Variants in SLC39A11 observed in about 807,000 individuals in gnomAD.
The protein encoded by SLC39A11 is zinc transporter ZIP11.
SLC39A11 carries 33 observed loss-of-function variants against 36.1 expected under a neutral mutation model. The observed-to-expected ratio is 0.91, with a 90% CI of 0.69 to 1.22. The LOEUF (loss-of-function observed/expected upper bound fraction) is 1.22. SLC39A11 is among the 50% of genes most tolerant of loss of function. SLC39A11 has a pLI of 0.00. For missense variants in SLC39A11, 432 were observed against 430.3 expected, an observed-to-expected ratio of 1.00 and a Z score of -0.03; for synonymous variants, 166 against 170.3, an observed-to-expected ratio of 0.97 and a Z score of 0.20.
chr17:72,648,924 C>T lies in SLC39A11; in HGVS notation c.808G>A (p.Gly270Arg), dbSNP rs780186017. The T allele has an allele frequency of 7.4e-6, 12 of 1,613,804 alleles. No individual in the cohort carries two copies. The highest frequency in any genetic ancestry group is 3.3e-5 in the Admixed American group (2 of 59,996). The change falls in exon 9 of 10, where the codon GGG becomes AGG. Residue 270 changes from glycine to arginine, a missense_variant. By Grantham distance (125) the Gly-to-Arg change is moderately radical. Transcript: ENST00000255559. ...QLSGMVEPLA[G>R]VFGAFAVVLA... ...ACCACGGCAAAGGCACCAAAGACCCCGGCCAGGGGCTCCACCATGCCGCTC... is the reference window on the plus strand; with the variant it reads ...ACCACGGCAAAGGCACCAAAGACCCTGGCCAGGGGCTCCACCATGCCGCTC...
At chr17:72,725,813 G>A (rs1158372227) in intron 7 of SLC39A11, among the ~76,000 whole-genome samples, 1 of 152,220 alleles carries the variant, frequency 6.6e-6, no homozygotes, top group Non-Finnish European at 1.5e-5. Context: ...AGGGTAGTGT[G>A]ATAGGTTCAA....
intron 6 of SLC39A11, among the ~76,000 whole-genome samples, chr17:72,785,882 A>G (rs372845432): frequency 6.6e-6 from 1 of 152,238 alleles, no homozygotes; most frequent in East Asian, 1.9e-4. Flanking sequence ...GTATGCAAAA[A>G]TACCTCAGAC....
chr17:72,836,771 C>T (rs2078567289), intron 6 of SLC39A11, among the ~76,000 whole-genome samples: 1 of 152,042 alleles, frequency 6.6e-6, no homozygotes, highest in Non-Finnish European at 1.5e-5. Flanking sequence ...TAAGTGGCAG[C>T]CTTTAGCATT....
intron 3 of SLC39A11, among the ~76,000 whole-genome samples, chr17:73,037,502 C>G (rs1183641187): frequency 3.3e-5 from 5 of 152,194 alleles, no homozygotes; most frequent in Admixed American, 3.3e-4. Context: ...GTACCAGGCC[C>G]AAGACTTCAG....
chr17:72,776,129 T>G (rs150175769), intron 6 of SLC39A11, among the ~76,000 whole-genome samples: 18 of 152,236 alleles, frequency 1.2e-4, no homozygotes, highest in African/African-American at 3.1e-4. Flanking sequence ...TGCTTTCAAG[T>G]GCCAGATGGC....
At chr17:72,772,180 C>A (rs2075971152) in intron 6 of SLC39A11, among the ~76,000 whole-genome samples, 1 of 151,800 alleles carries the variant, frequency 6.6e-6, no homozygotes, top group South Asian at 2.1e-4. Flanking sequence ...GAGGGCTGAG[C>A]AATGCCCTCC....
At chr17:72,714,933 A>G (rs2073285765) in intron 7 of SLC39A11, among the ~76,000 whole-genome samples, 1 of 152,238 alleles carries the variant, frequency 6.6e-6, no homozygotes, top group South Asian at 2.1e-4. Flanking sequence ...AAAGCATGGA[A>G]TCAAGGATCT....
chr17:72,977,729 C>G (rs1006199694), intron 4 of SLC39A11, among the ~76,000 whole-genome samples: 1 of 152,158 alleles, frequency 6.6e-6, no homozygotes, highest in Non-Finnish European at 1.5e-5. Context: ...AACAGAAACA[C>G]CCCCACACAG....
At chr17:72,804,566 T>G (rs2077193015) in intron 6 of SLC39A11, among the ~76,000 whole-genome samples, 1 of 152,216 alleles carries the variant, frequency 6.6e-6, no homozygotes, top group African/African-American at 2.4e-5. Context: ...TCAAGCAACA[T>G]ACAAGCATTT....
intron 6 of SLC39A11, among the ~76,000 whole-genome samples, chr17:72,814,037 T>C (rs2077509587): frequency 6.6e-6 from 1 of 152,202 alleles, no homozygotes; most frequent in Admixed American, 6.5e-5. Flanking sequence ...ACTGTTGACA[T>C]TACCCTCTCA....
chr17:73,029,975 GAC>G (rs2058687221), intron 4 of SLC39A11, among the ~76,000 whole-genome samples: 1 of 152,134 alleles, frequency 6.6e-6, no homozygotes, highest in African/African-American at 2.4e-5. Context: ...TTTTGTGGAA[GAC>G]AGTTTTTCCA....
At chr17:72,851,354 C>G (rs1431138465) in intron 5 of SLC39A11, among the ~76,000 whole-genome samples, 1 of 152,160 alleles carries the variant, frequency 6.6e-6, no homozygotes, top group Non-Finnish European at 1.5e-5. Context: ...GAGCATCCAG[C>G]TTTCAGTTCA....
At chr17:72,701,253 G>A (rs1284430877) in intron 7 of SLC39A11, among the ~76,000 whole-genome samples, 1 of 152,220 alleles carries the variant, frequency 6.6e-6, no homozygotes, top group Non-Finnish European at 1.5e-5. Flanking sequence ...AGGTGTGGAG[G>A]AAGCTGATCA....
At chr17:72,710,208 T>A (rs2073058088) in intron 7 of SLC39A11, among the ~76,000 whole-genome samples, 1 of 152,254 alleles carries the variant, frequency 6.6e-6, no homozygotes, top group Non-Finnish European at 1.5e-5. Flanking sequence ...GACTTTCTAC[T>A]CTGGCACCAT....
At chr17:73,030,008 G>A (rs868544250) in intron 4 of SLC39A11, among the ~76,000 whole-genome samples, 3 of 152,212 alleles carry the variant, frequency 2.0e-5, no homozygotes, top group African/African-American at 4.8e-5. Context: ...CCGGGGTAGG[G>A]GGTTGGGGAT....
intron 7 of SLC39A11, among the ~76,000 whole-genome samples, chr17:72,690,510 A>G (rs906373563): frequency 2.0e-5 from 3 of 152,234 alleles, no homozygotes; most frequent in African/African-American, 7.2e-5. Context: ...TTGTACACAC[A>G]TGTGCATGGC....
intron 4 of SLC39A11, among the ~76,000 whole-genome samples, chr17:72,952,136 G>A (rs368718229): frequency 2.4e-4 from 37 of 152,236 alleles, no homozygotes; most frequent in African/African-American, 7.0e-4. Flanking sequence ...GCTATGCAGC[G>A]TGGGAGCTAC....
At chr17:72,936,411 TAAAAAAAAA>T (rs746428868) in intron 5 of SLC39A11, among the ~76,000 whole-genome samples, 44 of 73,464 alleles carry the variant, frequency 6.0e-4, no homozygotes, top group Non-Finnish European at 8.7e-4. Flanking sequence ...TGAAAAAAAG[TAAAAAAAAA>T]AAAAAAAAAA....
At chr17:72,865,992 A>G (rs1184976341) in intron 5 of SLC39A11, among the ~76,000 whole-genome samples, 2 of 152,224 alleles carry the variant, frequency 1.3e-5, no homozygotes, top group East Asian at 3.8e-4. Flanking sequence ...GAAGAGATGG[A>G]CAATATCAAG....
Sources: gnomAD v4.1 joint callset for allele counts (sites outside exome capture counted in the v4.1 genomes callset) on GRCh38, gnomAD v4.1.1 for gene constraint, MANE v1.5 for transcripts, NCBI Gene and HGNC (gene_info 2026-07-23, HGNC 2026-07-21) for gene names.